The following ARID1B variants were observed in gnomAD, a reference collection of about 807,000 sequenced individuals.
ARID1B encodes AT-rich interaction domain 1B.
A neutral mutation model predicts 212.3 loss-of-function variants in ARID1B; 30 were observed. That is an observed-to-expected ratio of 0.14 (90% CI 0.11 to 0.19). ARID1B has a LOEUF of 0.19. ARID1B is among the 10% of genes least tolerant of loss of function. The pLI is 1.00. For missense variants in ARID1B, 2,891 were observed against 3,204.0 expected (o/e 0.90, Z 2.36); for synonymous variants, 1,402 against 1,301.7 (o/e 1.08, Z -1.66).
rs1051942331 is a variant in ARID1B, at chr6:157,210,455, G to A, written c.*2564G>A. ...TGTAACCGATACGCAGAGTCTGACC[G>A]TTGGGCAACAAGTTTTTCTATCCTG... On this transcript the variant is annotated 3_prime_UTR_variant, in exon 20 of 20. Coordinates refer to ENST00000636930, the MANE Select transcript of ARID1B (RefSeq NM_001374828.1). 15 of 231,552 alleles carry A rather than the reference G, an allele frequency of 6.5e-5. No homozygotes were observed. Among genetic ancestry groups the A allele is most frequent in the East Asian group, 6.1e-5 (1 of 16,386 alleles). 14.3% of individuals were successfully genotyped at this position (231,552 alleles called of 1,614,324 possible). A position where few individuals can be genotyped will look rare whatever the true frequency, so the allele number is the denominator to read the frequency against.
chr6:157,052,855 G>T (rs999592773), intron 4 of ARID1B, among the ~76,000 whole-genome samples: 1 of 151,994 alleles, frequency 6.6e-6, no homozygotes, highest in African/African-American at 2.4e-5. Flanking sequence ...GAGTAGCTGG[G>T]ATTACAGGCA....
intron 2 of ARID1B, among the ~76,000 whole-genome samples, chr6:156,861,552 A>G (rs1192316028): frequency 1.3e-5 from 2 of 152,188 alleles, no homozygotes; most frequent in African/African-American, 2.4e-5. Flanking sequence ...CGGAGGTTGC[A>G]GTGAGCTGTG....
At chr6:157,191,005 C>T (rs894264839) in intron 15 of ARID1B, among the ~76,000 whole-genome samples, 2 of 151,956 alleles carry the variant, frequency 1.3e-5, no homozygotes, top group African/African-American at 2.4e-5. Context: ...TCGTTGAGGC[C>T]GGCGGGGCCA....
intron 4 of ARID1B, among the ~76,000 whole-genome samples, chr6:156,993,592 A>G (rs955993089): frequency 4.6e-5 from 7 of 152,206 alleles, no homozygotes; most frequent in African/African-American, 1.4e-4. Flanking sequence ...ATTCTCTGAA[A>G]TACTGATTTT....
At chr6:156,855,109 T>G (rs1344570272) in intron 2 of ARID1B, among the ~76,000 whole-genome samples, 1 of 152,192 alleles carries the variant, frequency 6.6e-6, no homozygotes, top group African/African-American at 2.4e-5. Flanking sequence ...CACTAGTGTC[T>G]AAGTTAACAC....
chr6:156,964,853 T>C (rs1258898140), intron 4 of ARID1B, among the ~76,000 whole-genome samples: 1 of 152,232 alleles, frequency 6.6e-6, no homozygotes, highest in Non-Finnish European at 1.5e-5. Flanking sequence ...TTTTAGCTTG[T>C]AGGAAATGAA....
chr6:157,053,152 C>T (rs140253787), intron 4 of ARID1B, among the ~76,000 whole-genome samples: 2,583 of 152,190 alleles, frequency 0.017, 70 homozygotes, highest in African/African-American at 0.06. Context: ...GTGGCATGAT[C>T]TCGGCTCACT....
chr6:156,829,482 G>A (rs951448600), intron 2 of ARID1B, 61 bp downstream of exon 2: 1 of 1,499,438 alleles, frequency 6.7e-7, no homozygotes, highest in South Asian at 1.3e-5. Flanking sequence ...GCCTTTTGCT[G>A]TCCACCTAAG....
intron 6 of ARID1B, 47 bp downstream of exon 6, chr6:157,110,608 A>T (rs1266691594): frequency 6.4e-7 from 1 of 1,571,976 alleles, no homozygotes; most frequent in Admixed American, 1.7e-5. Context: ...CTTTCAGGCG[A>T]TAAGGCGTAC....
intron 7 of ARID1B, among the ~76,000 whole-genome samples, chr6:157,134,303 T>C (rs552147632): frequency 6.6e-6 from 1 of 152,388 alleles, no homozygotes; most frequent in Admixed American, 6.5e-5. Context: ...TATTATCTTG[T>C]GTTCTGAAGA....
chr6:156,924,641 G>A (rs1215253935), intron 3 of ARID1B, among the ~76,000 whole-genome samples: 2 of 152,194 alleles, frequency 1.3e-5, no homozygotes, highest in African/African-American at 2.4e-5. Flanking sequence ...TTGAACCACA[G>A]TTGACCATGG....
intron 3 of ARID1B, among the ~76,000 whole-genome samples, chr6:156,921,499 T>C (rs960327265): frequency 1.3e-5 from 2 of 148,484 alleles, no homozygotes; most frequent in East Asian, 2.0e-4. Flanking sequence ...ACACAAAATG[T>C]AAGGGAATCT....
chr6:156,849,895 A>G (rs1249241946), intron 2 of ARID1B, among the ~76,000 whole-genome samples: 2 of 151,696 alleles, frequency 1.3e-5, no homozygotes, highest in Non-Finnish European at 2.9e-5. Context: ...AAATGCATGA[A>G]AGCACCTTTT....
chr6:157,153,774 T>G lies in ARID1B; in HGVS notation c.3089+4823T>G, dbSNP rs571963330. On this transcript the variant is annotated intron_variant, in intron 8 of 19. Transcript: ENST00000636930. The stretch of plus-strand genomic sequence containing the variant: ...CCTCAGCCTCCCAAGTAGTTGGTAC[T>G]ACAGGCACGTGCCACCATACCTGGC... 3.9e-5 allele frequency among the ~76,000 whole-genome samples: 6 copies of G among 152,324 alleles called. No individual in the cohort carries two copies. In the South Asian group the frequency reaches 1.2e-3, roughly 32 times the overall value.
At chr6:157,022,084 A>G (rs1780336078) in intron 4 of ARID1B, among the ~76,000 whole-genome samples, 1 of 152,078 alleles carries the variant, frequency 6.6e-6, no homozygotes, top group African/African-American at 2.4e-5. Flanking sequence ...GCCAGGAACT[A>G]CAGACGAAGG....
chr6:156,829,653 G>T lies in ARID1B; in HGVS notation c.1986+232G>T, dbSNP rs1783006544. On this transcript the variant is annotated intron_variant, in intron 2 of 19. Transcript: ENST00000636930. Reference sequence around the variant, plus strand: ...GTTTGGTAGAAGGGCAGCAGGACCAGCTGTATTTGATAGGTGCACTGTGTC... The same window carrying T: ...GTTTGGTAGAAGGGCAGCAGGACCATCTGTATTTGATAGGTGCACTGTGTC... The T allele has an allele frequency of 1.0e-5, 5 of 488,262 alleles. No homozygotes were observed. In the East Asian group the frequency reaches 1.7e-4, roughly 17 times the overall value. The allele number at this position is 488,262 out of a possible 1,614,324, so 30.2% of individuals were successfully genotyped here.
chr6:157,190,349 C>A lies in ARID1B; in HGVS notation c.4231+139C>A. 9.3e-7 allele frequency: 1 copy of A among 1,075,718 alleles called. No homozygotes were observed. Among genetic ancestry groups the A allele is most frequent in the Non-Finnish European group, 1.3e-6 (1 of 775,082 alleles). The allele number at this position is 1,075,718 out of a possible 1,614,324, so 66.6% of individuals were successfully genotyped here. Reference sequence around the variant, plus strand: ...GTGGGTCCCAGGTCCCCATCCTACTCCACTTGTGGCCTTGGGAAAAGCAGT... The same window carrying A: ...GTGGGTCCCAGGTCCCCATCCTACTACACTTGTGGCCTTGGGAAAAGCAGT... On this transcript the variant is annotated intron_variant, in intron 15 of 19. Transcript: ENST00000636930. The surrounding 1 kb of genome is among the most constrained non-coding windows in gnomAD (Gnocchi z 4.6).
intron 4 of ARID1B, among the ~76,000 whole-genome samples, chr6:156,959,126 A>T (rs1171492211): frequency 6.6e-6 from 1 of 152,226 alleles, no homozygotes. Context: ...TGGGAAGACC[A>T]CTTGGCTTGT....
intron 2 of ARID1B, among the ~76,000 whole-genome samples, chr6:156,900,912 TCTGA>T (rs1462900111): frequency 2.0e-5 from 3 of 152,244 alleles, no homozygotes; most frequent in African/African-American, 4.8e-5. Flanking sequence ...GTTGGTATAT[TCTGA>T]CTTTTTCATT....
Sources: gnomAD v4.1 joint callset for allele counts (sites outside exome capture counted in the v4.1 genomes callset) on GRCh38, gnomAD v4.1.1 for gene constraint, Gnocchi (gnomAD v3.1) non-coding constraint, MANE v1.5 for transcripts, NCBI Gene and HGNC (gene_info 2026-07-23, HGNC 2026-07-21) for gene names.